Variants in ZBTB38 observed in about 807,000 individuals in gnomAD.
ZBTB38 encodes the protein zinc finger and BTB domain-containing protein 38.
ZBTB38 carries 20 observed loss-of-function variants against 76.8 expected under a neutral mutation model. That is an observed-to-expected ratio of 0.26 (90% CI 0.18 to 0.38). ZBTB38 has a LOEUF of 0.38. Ranked by LOEUF, ZBTB38 falls within the 10% of genes least tolerant of loss-of-function variation. The pLI, the probability that ZBTB38 is intolerant of heterozygous loss-of-function variation, is 1.00. For synonymous variants in ZBTB38, 504 were observed against 544.2 expected (o/e 0.93, Z 1.03); for missense variants, 1,082 against 1,482.3 (o/e 0.73, Z 4.43).
intron 3 of ZBTB38, among the ~76,000 whole-genome samples, chr3:141,383,022 T>C (rs528084500): frequency 1.3e-5 from 2 of 152,342 alleles, no homozygotes; most frequent in African/African-American, 2.4e-5. Flanking sequence ...TCACCTAAAA[T>C]TGAAGGTACT....
intron 5 of ZBTB38, chr3:141,425,970 C>T (rs994816955): frequency 8.3e-6 from 3 of 362,852 alleles, no homozygotes; most frequent in Admixed American, 3.5e-5. Flanking sequence ...GTGTGTAGAA[C>T]GGTGCAGAGC....
At chr3:141,334,313 G>T (rs1022613492) in intron 1 of ZBTB38, among the ~76,000 whole-genome samples, 5 of 151,606 alleles carry the variant, frequency 3.3e-5, no homozygotes, top group Admixed American at 3.3e-4. Flanking sequence ...ATCTTCTCAT[G>T]GGAATGTGAG....
intron 2 of ZBTB38, among the ~76,000 whole-genome samples, chr3:141,371,045 CTTT>C (rs754872291): frequency 9.9e-4 from 71 of 72,008 alleles, no homozygotes; most frequent in African/African-American, 4.5e-3. Context: ...TTCTTTCTTT[CTTT>C]TTTTTTTTTT....
In ZBTB38 at chr3:141,371,042, T is replaced by C. The variant is rs200373713; in HGVS notation, c.-235+1096T>C. Reference sequence around the variant, plus strand: ...ACTGTTTTTTCTTTTCTTTTCTTTCTTTCTTTTTTTTTTTTTTTTTTTTTT... The same window carrying C: ...ACTGTTTTTTCTTTTCTTTTCTTTCCTTCTTTTTTTTTTTTTTTTTTTTTT... On this transcript the variant is annotated intron_variant, in intron 2 of 5. Transcript: ENST00000321464. Among the ~76,000 whole-genome samples, 589 of 134,788 alleles carry C rather than the reference T, an allele frequency of 4.4e-3. 9 individuals carry two copies. The highest frequency in any genetic ancestry group is 0.031 in the East Asian group (153 of 4,916). The allele number at this position is 134,788 out of a possible 152,430, so 88.4% of individuals were successfully genotyped here.
chr3:141,336,563 G>A (rs1943021437), intron 1 of ZBTB38, among the ~76,000 whole-genome samples: 1 of 151,996 alleles, frequency 6.6e-6, no homozygotes, highest in Non-Finnish European at 1.5e-5. Flanking sequence ...TGGCCAGGGT[G>A]GTCTTGAACT....
chr3:141,387,162 C>T (rs980467200), intron 4 of ZBTB38: 1 of 152,242 alleles, frequency 6.6e-6, no homozygotes, highest in East Asian at 1.9e-4. Context: ...TGCCTCATTA[C>T]AGCCTTAGAT....
At chr3:141,334,452 TCTTC>T (rs57217285) in intron 1 of ZBTB38, among the ~76,000 whole-genome samples, 27,957 of 128,996 alleles carry the variant, frequency 0.22, 3,424 homozygotes, top group African/African-American at 0.33. Context: ...TTCTTTCCTT[TCTTC>T]CTTCCTTCCT....
At chr3:141,342,055 G>A (rs546008037) in intron 1 of ZBTB38, among the ~76,000 whole-genome samples, 3 of 152,272 alleles carry the variant, frequency 2.0e-5, no homozygotes, top group South Asian at 2.1e-4. Context: ...GGCCGGGTAC[G>A]GTGGCTCACG....
chr3:141,364,405 A>C (rs1943901528), upstream of ZBTB38, among the ~76,000 whole-genome samples: 1 of 133,242 alleles, frequency 7.5e-6, no homozygotes, highest in Non-Finnish European at 1.6e-5. Context: ...ATTTTAGTCC[A>C]GGTGGCTCAC....
chr3:141,348,934 AC>A (rs34497407), intron 1 of ZBTB38, among the ~76,000 whole-genome samples: 39,800 of 152,098 alleles, frequency 0.26, 5,767 homozygotes, highest in Non-Finnish European at 0.32. Flanking sequence ...AGGAAGCCAA[AC>A]CTATATTACA....
chr3:141,409,250 T>C (rs536208394), intron 5 of ZBTB38, among the ~76,000 whole-genome samples: 2 of 152,216 alleles, frequency 1.3e-5, no homozygotes, highest in East Asian at 3.9e-4. Flanking sequence ...TTCACCACGT[T>C]GGCCAGGCTG....
chr3:141,395,059 T>G (rs1296653977), intron 4 of ZBTB38, among the ~76,000 whole-genome samples: 1 of 152,226 alleles, frequency 6.6e-6, no homozygotes, highest in Non-Finnish European at 1.5e-5. Context: ...ACTTTAGGCT[T>G]TATGGCATGA....
intron 2 of ZBTB38, among the ~76,000 whole-genome samples, chr3:141,377,929 T>C (rs750984586): frequency 6.6e-6 from 1 of 152,150 alleles, no homozygotes; most frequent in Non-Finnish European, 1.5e-5. Context: ...CTCATGCTTG[T>C]AATCCCAGCA....
chr3:141,411,996 C>CT (rs1347056045), intron 5 of ZBTB38, among the ~76,000 whole-genome samples: 6 of 152,068 alleles, frequency 3.9e-5, no homozygotes, highest in African/African-American at 1.4e-4. Flanking sequence ...AGATTTGCAC[C>CT]TTTCTCTATT....
At chr3:141,364,676 T>TAAAAAAAAA (rs59398877), upstream of ZBTB38, among the ~76,000 whole-genome samples, 4 of 43,438 alleles carry the variant, frequency 9.2e-5, no homozygotes, top group Non-Finnish European at 1.4e-4. Flanking sequence ...AAACTACATC[T>TAAAAAAAAA]AAAAAAAAAA....
intron 1 of ZBTB38, among the ~76,000 whole-genome samples, chr3:141,324,866 T>G (rs898359897): frequency 6.6e-6 from 1 of 152,180 alleles, no homozygotes; most frequent in Non-Finnish European, 1.5e-5. Flanking sequence ...GAAGTTACTT[T>G]GTAAAATGAA....
chr3:141,382,956 A>G (rs950340846), intron 3 of ZBTB38, among the ~76,000 whole-genome samples: 17 of 152,228 alleles, frequency 1.1e-4, no homozygotes, highest in African/African-American at 3.9e-4. Context: ...CAATCAATCA[A>G]ACTTAGGTTT....
Position 141,414,036 on chromosome 3 carries a change from G to A in ZBTB38, c.-1+10005G>A, listed in dbSNP as rs192364336. Among the ~76,000 whole-genome samples, 181 of 152,226 alleles carry A rather than the reference G, an allele frequency of 1.2e-3. 1 individual carries two copies. Among genetic ancestry groups the A allele is most frequent in the Non-Finnish European group, 2.0e-3 (133 of 68,006 alleles). ...ACATCTCATCATTTAAATTTTAGAA[G>A]GACAATGACTCACAGTACAGAGATT... On this transcript the variant is annotated intron_variant, in intron 5 of 5. Coordinates refer to ENST00000321464, the MANE Select transcript of ZBTB38 (RefSeq NM_001376113.1).
At chr3:141,405,903 A>AGG (rs1474869397) in intron 5 of ZBTB38, 2 of 152,250 alleles carry the variant, frequency 1.3e-5, no homozygotes, top group Non-Finnish European at 2.9e-5. Context: ...TTGAGGAGGA[A>AGG]GGGGTCCCTT....
Sources: gnomAD v4.1 joint callset for allele counts (sites outside exome capture counted in the v4.1 genomes callset) on GRCh38, gnomAD v4.1.1 for gene constraint, MANE v1.5 for transcripts, NCBI Gene and HGNC (gene_info 2026-07-23, HGNC 2026-07-21) for gene names.